Variants in RAB7B observed in about 807,000 individuals in gnomAD.
RAB7B encodes RAB7B, member RAS oncogene family, also known as ras-related protein Rab-7b.
At chr1:205,996,013 A>T (rs1466281992) in intron 1 of RAB7B, among the ~76,000 whole-genome samples, 2 of 152,210 alleles carry the variant, frequency 1.3e-5, no homozygotes, top group African/African-American at 4.8e-5. Context: ...TCTGTCAATT[A>T]AAAAATGTAA....
At chr1:205,996,406 A>T (rs1261877203) in intron 1 of RAB7B, among the ~76,000 whole-genome samples, 1 of 152,122 alleles carries the variant, frequency 6.6e-6, no homozygotes, top group Non-Finnish European at 1.5e-5. Context: ...TGTAAATAGG[A>T]CATCCTGAGG....
At chr1:205,980,062 C>A (rs921652466) in intron 5 of RAB7B, among the ~76,000 whole-genome samples, 21 of 152,156 alleles carry the variant, frequency 1.4e-4, no homozygotes, top group Non-Finnish European at 8.8e-5. Flanking sequence ...ATAAGAAGAT[C>A]CTCTGACACC....
intron 5 of RAB7B, among the ~76,000 whole-genome samples, chr1:205,980,015 C>T (rs1189204152): frequency 6.6e-6 from 1 of 152,194 alleles, no homozygotes; most frequent in Non-Finnish European, 1.5e-5. Context: ...TCCAGCCTTG[C>T]CTCCTGCACC....
chr1:205,997,345 G>A (rs1660823620), intron 1 of RAB7B, among the ~76,000 whole-genome samples: 1 of 152,192 alleles, frequency 6.6e-6, no homozygotes, highest in African/African-American at 2.4e-5. Flanking sequence ...GAGAGGCACA[G>A]GGAAAGTGCT....
intron 1 of RAB7B, among the ~76,000 whole-genome samples, chr1:205,997,714 C>T: frequency 6.6e-6 from 1 of 152,236 alleles, no homozygotes. Context: ...TTCAGAAACC[C>T]CTGAAAAAGC....
At position 205,993,567 on chromosome 1, in the gene RAB7B, A is replaced by G. The variant is rs1253642614; in HGVS notation, c.54-21T>C. The G allele has an allele frequency of 2.8e-5, 11 of 398,520 alleles. No homozygotes were observed. The Admixed American group carries it at 4.0e-4, about 14-fold the overall frequency. 24.7% of individuals were successfully genotyped at this position (398,520 alleles called of 1,614,324 possible). The stretch of plus-strand genomic sequence containing the variant: ...CCACACTGAGGAAAATTCCAGACAC[A>G]TGTGAACACACACATGCAAACACAC... On this transcript the variant is annotated intron_variant, in intron 2 of 5. Coordinates refer to ENST00000617070, the MANE Select transcript of RAB7B (RefSeq NM_001164522.3).
At chr1:205,999,195 G>A (rs1419172698) in intron 1 of RAB7B, among the ~76,000 whole-genome samples, 3 of 152,200 alleles carry the variant, frequency 2.0e-5, no homozygotes, top group Non-Finnish European at 4.4e-5. Flanking sequence ...CTTAGGAAGG[G>A]AAAGCTGGGG....
intron 4 of RAB7B, among the ~76,000 whole-genome samples, chr1:205,991,025 C>A (rs1328813607): frequency 2.6e-5 from 4 of 152,104 alleles, no homozygotes; most frequent in African/African-American, 9.7e-5. Context: ...CCTGCCTCTG[C>A]CTCCCAAAGT....
At chr1:206,002,685 G>A (rs1660909774) in intron 1 of RAB7B, among the ~76,000 whole-genome samples, 1 of 152,138 alleles carries the variant, frequency 6.6e-6, no homozygotes, top group Non-Finnish European at 1.5e-5. Context: ...TGGATACCTG[G>A]GTCAAGAACT....
At chr1:206,002,820 C>T (rs1660911537) in intron 1 of RAB7B, among the ~76,000 whole-genome samples, 1 of 152,196 alleles carries the variant, frequency 6.6e-6, no homozygotes, top group South Asian at 2.1e-4. Context: ...GGCCAAGCTT[C>T]CCCTGATGAG....
In RAB7B at chr1:205,993,456, C is replaced by T; in HGVS notation, c.144G>A (p.Lys48=). Residue 48 remains lysine, a synonymous_variant, in exon 3 of 6, where the codon AAG becomes AAA. Transcript: ENST00000617070. ...AAGTTGTGTCACCCAATATGATAATCTTGGAGAGGATGCTGGCCCCCAGTG... is the reference window on the plus strand; with the variant it reads ...AAGTTGTGTCACCCAATATGATAATTTTGGAGAGGATGCTGGCCCCCAGTG... ...QTTLGASILS[K]IIILGDTTLK... The T allele has an allele frequency of 5.0e-6, 2 of 398,620 alleles. No individual in the cohort carries two copies. Among genetic ancestry groups the T allele is most frequent in the African/African-American group, 2.1e-5 (1 of 48,756 alleles). 24.7% of individuals were successfully genotyped at this position (398,620 alleles called of 1,614,324 possible). A position where few individuals can be genotyped will look rare whatever the true frequency, so the allele number is the denominator to read the frequency against.
At chr1:205,993,222 A>G (rs1161610078) in intron 3 of RAB7B, among the ~76,000 whole-genome samples, 198 bp downstream of exon 3, 1 of 152,170 alleles carries the variant, frequency 6.6e-6, no homozygotes, top group Non-Finnish European at 1.5e-5. Flanking sequence ...AAGCTAACCA[A>G]TGGTTATGGC....
In RAB7B at chr1:205,994,125, C is replaced by T. The variant is rs1168279309; in HGVS notation, c.11G>A (p.Arg4Gln). The T allele has an allele frequency of 2.3e-5, 9 of 398,620 alleles. No individual in the cohort carries two copies. The highest frequency in any genetic ancestry group is 2.5e-4 in the South Asian group (2 of 7,854). The allele number at this position is 398,620 out of a possible 1,614,324, so 24.7% of individuals were successfully genotyped here. A position where few individuals can be genotyped will look rare whatever the true frequency, so the allele number is the denominator to read the frequency against. MNP[R>Q]KKVDLKLIIV... ...AATGAGTTTCAGGTCCACCTTCTTC[C>T]GGGGATTCATGGAAGGGCTTCAGAG... Residue 4 changes from arginine to glutamine, a missense_variant, in exon 2 of 6, where the codon CGG (arginine) becomes CAG (glutamine). Arg to Gln is a conservative substitution (Grantham distance 43). Transcript: ENST00000617070.
Position 205,978,694 on chromosome 1 carries a change from C to A in RAB7B, c.*157G>T. Reference sequence around the variant, plus strand: ...GGCTGCCCTCTGACTCTGGGCCCAGCACCAGGGTCAAGGGCTCTGCCGCAG... The same window carrying A: ...GGCTGCCCTCTGACTCTGGGCCCAGAACCAGGGTCAAGGGCTCTGCCGCAG... On this transcript the variant is annotated 3_prime_UTR_variant, in exon 6 of 6. Transcript: ENST00000617070. 2.5e-6 allele frequency: 1 copy of A among 392,914 alleles called. No homozygotes were observed. Among genetic ancestry groups the A allele is most frequent in the East Asian group, 3.6e-5 (1 of 27,772 alleles). 24.3% of individuals were successfully genotyped at this position (392,914 alleles called of 1,614,324 possible). A position where few individuals can be genotyped will look rare whatever the true frequency, so the allele number is the denominator to read the frequency against.
At chr1:205,981,297 T>C (rs1035411682) in intron 5 of RAB7B, among the ~76,000 whole-genome samples, 21 of 152,264 alleles carry the variant, frequency 1.4e-4, no homozygotes, top group Admixed American at 3.3e-4. Flanking sequence ...CTTCGTCATA[T>C]TTTGGAACAA....
At chr1:205,998,425 T>G (rs1183416126) in intron 1 of RAB7B, among the ~76,000 whole-genome samples, 5 of 152,036 alleles carry the variant, frequency 3.3e-5, no homozygotes, top group African/African-American at 1.2e-4. Flanking sequence ...ATCACCAGAG[T>G]TTGAACCCAT....
At chr1:205,997,565 C>CTCATTCAT (rs1196249428) in intron 1 of RAB7B, among the ~76,000 whole-genome samples, 3 of 152,118 alleles carry the variant, frequency 2.0e-5, no homozygotes, top group African/African-American at 7.2e-5. Flanking sequence ...CTGGCACTGA[C>CTCATTCAT]TCATTCATTC....
chr1:205,985,052 A>G (rs1355340774), intron 5 of RAB7B, among the ~76,000 whole-genome samples: 1 of 152,186 alleles, frequency 6.6e-6, no homozygotes, highest in East Asian at 1.9e-4. Flanking sequence ...AGGCCTGTAC[A>G]GTGCCTGCCA....
At chr1:205,985,377 G>A (rs1169616542) in intron 5 of RAB7B, among the ~76,000 whole-genome samples, 163 bp downstream of exon 5, 2 of 152,124 alleles carry the variant, frequency 1.3e-5, no homozygotes, top group African/African-American at 4.8e-5. Context: ...TTCCAGAGCT[G>A]GAGTGCTGTT....
Sources: gnomAD v4.1 joint callset for allele counts (sites outside exome capture counted in the v4.1 genomes callset) on GRCh38, gnomAD v4.1.1 for gene constraint, MANE v1.5 for transcripts, NCBI Gene and HGNC (gene_info 2026-07-23, HGNC 2026-07-21) for gene names.